SHC4: variants seen among roughly 807,000 people sequenced by gnomAD.
SHC4 encodes SHC-transforming protein 4.
Under a neutral mutation model 69.4 loss-of-function variants are expected in SHC4, and 41 were observed. The ratio of observed to expected loss-of-function variants is 0.59; its 90% CI spans 0.46 to 0.77. The LOEUF is 0.77. SHC4 is among the 30% of genes least tolerant of loss of function. The pLI is 0.00. For synonymous variants in SHC4, 318 were observed against 299.3 expected (o/e 1.06, Z -0.64); for missense variants, 777 against 783.8 (o/e 0.99, Z 0.10).
At position 48,867,899 on chromosome 15, in the gene SHC4, A is replaced by G. The variant is rs202160705; in HGVS notation, c.895-30T>C. The G allele has an allele frequency of 5.5e-5, 86 of 1,567,578 alleles. No homozygotes were observed. The East Asian group carries it at 1.8e-3, about 34-fold the overall frequency. The stretch of plus-strand genomic sequence containing the variant: ...AAAAAAGGGAAAATGACTGTATTTA[A>G]AATGGATGAACTGTACTGTTGAAAG... On this transcript the variant is annotated intron_variant, in intron 5 of 11. Transcript: ENST00000332408.
At chr15:48,901,429 T>C (rs186774110) in intron 2 of SHC4, among the ~76,000 whole-genome samples, 63 of 152,340 alleles carry the variant, frequency 4.1e-4, no homozygotes, top group African/African-American at 1.5e-3. Context: ...CCTATGTCAG[T>C]ATAAGAATTA....
chr15:48,829,705 G>A (rs1235529758), intron 11 of SHC4, among the ~76,000 whole-genome samples: 2 of 152,176 alleles, frequency 1.3e-5, no homozygotes, highest in East Asian at 3.9e-4. Context: ...GATTACCTGA[G>A]GTCAGGAGTT....
intron 8 of SHC4, among the ~76,000 whole-genome samples, chr15:48,852,626 G>A (rs1391738566): frequency 3.9e-5 from 6 of 152,158 alleles, no homozygotes; most frequent in Non-Finnish European, 8.8e-5. Context: ...GTAGGGCCAG[G>A]CGTGACGGCT....
intron 9 of SHC4, among the ~76,000 whole-genome samples, chr15:48,850,835 T>C (rs559537292): frequency 1.1e-4 from 16 of 152,198 alleles, no homozygotes; most frequent in Non-Finnish European, 2.2e-4. Context: ...CAGGCATCAA[T>C]TTTCACATTA....
At chr15:48,952,636 C>T (rs567100061) in intron 1 of SHC4, among the ~76,000 whole-genome samples, 19 of 152,136 alleles carry the variant, frequency 1.2e-4, no homozygotes, top group Non-Finnish European at 2.6e-4. Context: ...AGACACTTCT[C>T]GAAAGAAGAC....
intron 1 of SHC4, among the ~76,000 whole-genome samples, chr15:48,927,954 C>A (rs1400772627): frequency 4.6e-5 from 7 of 152,208 alleles, no homozygotes; most frequent in Non-Finnish European, 1.0e-4. Flanking sequence ...ACAATCACTG[C>A]CATATTCCCT....
chr15:48,903,105 T>C (rs1310404845), intron 2 of SHC4, among the ~76,000 whole-genome samples: 6 of 152,194 alleles, frequency 3.9e-5, no homozygotes, highest in Non-Finnish European at 8.8e-5. Flanking sequence ...TACACTACAG[T>C]ACACATTTCC....
At chr15:48,909,355 T>C (rs755939743) in intron 2 of SHC4, among the ~76,000 whole-genome samples, 4 of 152,030 alleles carry the variant, frequency 2.6e-5, no homozygotes, top group African/African-American at 7.2e-5. Context: ...TTGGTCACTG[T>C]TGATATATAG....
chr15:48,916,686 C>T (rs959064254), intron 2 of SHC4, among the ~76,000 whole-genome samples: 3 of 152,070 alleles, frequency 2.0e-5, no homozygotes, highest in African/African-American at 7.2e-5. Context: ...CAAAACGGAG[C>T]ACTCACCACC....
intron 10 of SHC4, among the ~76,000 whole-genome samples, chr15:48,838,218 G>A (rs899949270): frequency 2.0e-5 from 3 of 152,198 alleles, no homozygotes; most frequent in Non-Finnish European, 4.4e-5. Flanking sequence ...ACTGAGAGCT[G>A]AAACAAGAAA....
intron 11 of SHC4, among the ~76,000 whole-genome samples, chr15:48,833,714 G>A (rs1898850234): frequency 6.6e-6 from 1 of 152,156 alleles, no homozygotes; most frequent in Non-Finnish European, 1.5e-5. Flanking sequence ...GCCAGAACAT[G>A]GCATGCAAGC....
chr15:48,851,298 T>G, intron 8 of SHC4, 50 bp from the exon 9 acceptor site: 1 of 1,582,238 alleles, frequency 6.3e-7, no homozygotes, highest in East Asian at 2.3e-5. Flanking sequence ...TACACATTCA[T>G]AAACTTAAAA....
chr15:48,861,870 C>T (rs1899450721), intron 6 of SHC4, among the ~76,000 whole-genome samples: 1 of 152,214 alleles, frequency 6.6e-6, no homozygotes, highest in Non-Finnish European at 1.5e-5. Flanking sequence ...AGGATTACAA[C>T]TATTACTAAA....
chr15:48,962,526 GGC>G lies in SHC4; in HGVS notation c.488_489del (p.Cys163SerfsTer11). The G allele has an allele frequency of 6.3e-7, 1 of 1,592,454 alleles. No homozygotes were observed. Among genetic ancestry groups the G allele is most frequent in the Non-Finnish European group, 8.6e-7 (1 of 1,168,854 alleles). ...GTTGGCTCCCCAGGGCCAGGAAGCG[GGC>G]ACGAATCAGGGGTTAGGGCGGTTGC... Reference protein sequence around the residue: ...HRATALTPDSCPLPGPGEPTL... With the variant: ...HRATALTPDSXPLPGPGEPTL... On this transcript the variant is annotated frameshift_variant, in exon 1 of 12. Coordinates refer to ENST00000332408, the MANE Select transcript of SHC4 (RefSeq NM_203349.4). LOFTEE classifies it high-confidence loss of function.
At chr15:48,944,761 C>T (rs1182387601) in intron 1 of SHC4, among the ~76,000 whole-genome samples, 3 of 152,140 alleles carry the variant, frequency 2.0e-5, no homozygotes, top group Non-Finnish European at 4.4e-5. Flanking sequence ...CAGCCCCCTT[C>T]CTACCAAAAA....
At chr15:48,885,882 T>C (rs1263470926) in intron 3 of SHC4, among the ~76,000 whole-genome samples, 3 of 152,236 alleles carry the variant, frequency 2.0e-5, no homozygotes, top group African/African-American at 7.2e-5. Flanking sequence ...AGTTCAGGGA[T>C]TTTGTGTTCC....
chr15:48,911,277 G>A (rs1900503583), intron 2 of SHC4, among the ~76,000 whole-genome samples: 1 of 152,082 alleles, frequency 6.6e-6, no homozygotes, highest in Non-Finnish European at 1.5e-5. Flanking sequence ...TTAGGATTGT[G>A]CTATTTTCCT....
chr15:48,825,832 C>T lies in SHC4; in HGVS notation c.*139G>A, dbSNP rs761433551. On this transcript the variant is annotated 3_prime_UTR_variant, in exon 12 of 12. Coordinates refer to ENST00000332408, the MANE Select transcript of SHC4 (RefSeq NM_203349.4). ...TGTTAGTTCTTCATTTTATAGAGGA[C>T]CTGGTCCATGATGGTCTTGGAAAGA... is the stretch of plus-strand genomic sequence containing the variant. The T allele has an allele frequency of 3.3e-5, 33 of 1,003,670 alleles. No homozygotes were observed. The highest frequency in any genetic ancestry group is 4.7e-5 in the Non-Finnish European group (33 of 696,532). 62.2% of individuals were successfully genotyped at this position (1,003,670 alleles called of 1,614,324 possible).
intron 8 of SHC4, among the ~76,000 whole-genome samples, chr15:48,855,075 C>T (rs1899285905): frequency 6.6e-6 from 1 of 152,006 alleles, no homozygotes; most frequent in African/African-American, 2.4e-5. Context: ...AACTAGCTAC[C>T]AGGTGCTATG....
Sources: allele counts gnomAD v4.1 joint callset (sites outside exome capture counted in the v4.1 genomes callset), GRCh38; gene constraint gnomAD v4.1.1; transcripts MANE v1.5; gene names NCBI Gene and HGNC (gene_info 2026-07-23, HGNC 2026-07-21).